The following TUSC3 variants were observed in gnomAD, a reference collection of about 807,000 sequenced individuals.
TUSC3 encodes tumor suppressor candidate 3.
A neutral mutation model predicts 44.8 loss-of-function variants in TUSC3; 45 were observed. The observed-to-expected ratio is 1.00, with a 90% CI of 0.79 to 1.29. The LOEUF (loss-of-function observed/expected upper bound fraction) is 1.29, where lower values mean the gene tolerates loss of function less well. Ranked by LOEUF, TUSC3 falls within the 50% of genes most tolerant of loss-of-function variation. The pLI, the probability that TUSC3 is intolerant of heterozygous loss-of-function variation, is 0.00. For synonymous variants in TUSC3, 212 were observed against 152.9 expected, an observed-to-expected ratio of 1.39 and a Z score of -2.85; for missense variants, 519 against 437.9, an observed-to-expected ratio of 1.19 and a Z score of -1.65.
the TUSC3 span, among the ~76,000 whole-genome samples, chr8:15,851,453 G>A: frequency 6.6e-6 from 1 of 152,312 alleles, no homozygotes; most frequent in Non-Finnish European, 1.5e-5. Flanking sequence ...TTATTTATAT[G>A]CATTACATTG....
In TUSC3 at chr8:15,456,158, G is replaced by C. The variant is rs575975624; in HGVS notation, n.92-27228G>C. On this transcript the variant is annotated intron_variant and non_coding_transcript_variant, in intron 1 of 5. Coordinates refer to the TUSC3 transcript ENST00000503191. ...TCACTCCTTTCCTCACACTAGCTTT[G>C]AAAAACCTCTAACTTCACAGCCTTC... Among the ~76,000 whole-genome samples the C allele has an allele frequency of 1.5e-4, 23 of 152,188 alleles. 1 individual carries two copies. Among genetic ancestry groups the C allele is most frequent in the African/African-American group, 5.3e-4 (22 of 41,518 alleles).
chr8:15,540,675 G>C lies in TUSC3; in HGVS notation c.138+107G>C, dbSNP rs574688060. The C allele has an allele frequency of 7.9e-6, 11 of 1,396,688 alleles. No individual in the cohort carries two copies. In the African/African-American group the frequency reaches 1.5e-4, roughly 19 times the overall value. The allele number at this position is 1,396,688 out of a possible 1,614,324, so 86.5% of individuals were successfully genotyped here. A position where few individuals can be genotyped will look rare whatever the true frequency, so the allele number is the denominator to read the frequency against. On this transcript the variant is annotated intron_variant, in intron 1 of 10. Transcript: ENST00000503731. The stretch of plus-strand genomic sequence containing the variant: ...GCTAGGCAGCCTGGTCGCCGGCGTG[G>C]GCGATGCCGGCGCTGGGGCGGGAGC...
At chr8:15,755,781 T>C (rs1811903907) in intron 9 of TUSC3, among the ~76,000 whole-genome samples, 1 of 152,070 alleles carries the variant, frequency 6.6e-6, no homozygotes, top group Admixed American at 6.6e-5. Flanking sequence ...GGAAGAAATA[T>C]GATTTCAGTA....
intron 1 of TUSC3, among the ~76,000 whole-genome samples, chr8:15,478,613 C>G (rs1428064662): frequency 6.6e-6 from 1 of 152,120 alleles, no homozygotes; most frequent in African/African-American, 2.4e-5. Flanking sequence ...GATCTCATTC[C>G]TTTTTATGGC....
At chr8:15,628,877 A>G (rs373487983) in intron 2 of TUSC3, among the ~76,000 whole-genome samples, 3 of 152,164 alleles carry the variant, frequency 2.0e-5, no homozygotes, top group African/African-American at 7.2e-5. Context: ...TAGGAGAATG[A>G]GTAGAAAGTG....
chr8:15,502,236 C>T (rs1800977052), intron 2 of TUSC3, among the ~76,000 whole-genome samples: 1 of 152,160 alleles, frequency 6.6e-6, no homozygotes, highest in Non-Finnish European at 1.5e-5. Context: ...CTGCTTATTT[C>T]TTCACTTGCT....
At chr8:15,527,852 C>T (rs1023619077) in intron 2 of TUSC3, among the ~76,000 whole-genome samples, 3 of 152,216 alleles carry the variant, frequency 2.0e-5, no homozygotes, top group African/African-American at 7.2e-5. Context: ...ATTCCGTATA[C>T]ATTCTCCTCT....
chr8:15,455,359 G>C (rs1800240424), intron 1 of TUSC3, among the ~76,000 whole-genome samples: 1 of 151,954 alleles, frequency 6.6e-6, no homozygotes, highest in African/African-American at 2.4e-5. Context: ...GTTTTCTGGT[G>C]CTCCATCATG....
At chr8:15,609,775 G>T (rs1804685978) in intron 1 of TUSC3, among the ~76,000 whole-genome samples, 1 of 151,266 alleles carries the variant, frequency 6.6e-6, no homozygotes, top group Non-Finnish European at 1.5e-5. Flanking sequence ...TGTTTTCACT[G>T]TACATTAAAA....
intron 1 of TUSC3, among the ~76,000 whole-genome samples, chr8:15,461,177 C>G (rs191194058): frequency 2.0e-5 from 3 of 152,096 alleles, no homozygotes. Flanking sequence ...ATGTGTTTCC[C>G]TTTGTGTTGT....
chr8:15,469,155 T>C (rs1300204208), intron 1 of TUSC3, among the ~76,000 whole-genome samples: 1 of 152,188 alleles, frequency 6.6e-6, no homozygotes, highest in Non-Finnish European at 1.5e-5. Context: ...AAAGAAATCA[T>C]TGATAAGCTG....
chr8:15,775,900 A>G, the TUSC3 span, among the ~76,000 whole-genome samples: 1 of 151,800 alleles, frequency 6.6e-6, no homozygotes, highest in African/African-American at 2.4e-5. Context: ...GGAAAGCAAG[A>G]GAAAATGGAC....
At chr8:15,504,895 G>A (rs146083784) in intron 2 of TUSC3, among the ~76,000 whole-genome samples, 256 of 151,364 alleles carry the variant, frequency 1.7e-3, no homozygotes, top group African/African-American at 5.9e-3. Context: ...ATTGTGATTC[G>A]CCCACTTCAG....
intron 1 of TUSC3, among the ~76,000 whole-genome samples, chr8:15,556,928 T>C (rs1230675753): frequency 6.7e-6 from 1 of 149,668 alleles, no homozygotes; most frequent in Non-Finnish European, 1.5e-5. Context: ...GAGTAGGTTG[T>C]GAAAATTTTC....
chr8:15,752,822 A>T (rs533788198), intron 9 of TUSC3, among the ~76,000 whole-genome samples: 1 of 152,066 alleles, frequency 6.6e-6, no homozygotes, highest in Non-Finnish European at 1.5e-5. Flanking sequence ...AAAGCCTCTA[A>T]GAAAAATGTT....
intron 1 of TUSC3, among the ~76,000 whole-genome samples, chr8:15,617,348 C>T (rs746785130): frequency 4.0e-5 from 6 of 151,704 alleles, no homozygotes; most frequent in African/African-American, 1.2e-4. Context: ...CCATATTGGC[C>T]GGGGTGGTCT....
At chr8:15,535,874 T>A (rs1343390036), upstream of TUSC3, among the ~76,000 whole-genome samples, 2 of 152,154 alleles carry the variant, frequency 1.3e-5, no homozygotes, top group African/African-American at 2.4e-5. Flanking sequence ...ATACACCTCG[T>A]GAACATCTAT....
At chr8:15,815,636 C>T in the TUSC3 span, among the ~76,000 whole-genome samples, 3 of 152,190 alleles carry the variant, frequency 2.0e-5, no homozygotes, top group East Asian at 3.9e-4. Context: ...TTTACCTATT[C>T]CCAGGGCAAA....
intron 5 of TUSC3, among the ~76,000 whole-genome samples, chr8:15,668,322 C>T (rs1024963414): frequency 1.3e-5 from 2 of 151,396 alleles, no homozygotes; most frequent in Non-Finnish European, 3.0e-5. Context: ...GAAATCTTAA[C>T]TTACATATTC....
Sources: allele counts gnomAD v4.1 joint callset (sites outside exome capture counted in the v4.1 genomes callset), GRCh38; gene constraint gnomAD v4.1.1; transcripts MANE v1.5; gene names NCBI Gene and HGNC (gene_info 2026-07-23, HGNC 2026-07-21).